Variants in CLUL1 observed in about 807,000 individuals in gnomAD.
CLUL1 encodes clusterin like 1, also known as clusterin-like protein 1.
Under a neutral mutation model 49.4 loss-of-function variants are expected in CLUL1, and 43 were observed. The ratio of observed to expected loss-of-function variants is 0.87; its 90% CI spans 0.68 to 1.12. CLUL1 has a LOEUF of 1.12. CLUL1 is among the 50% of genes most tolerant of loss of function. The probability of loss-of-function intolerance (pLI) is 0.00; values close to 1 mark genes in which losing one functional copy is unlikely to be tolerated. For synonymous variants in CLUL1, 192 were observed against 184.9 expected, an observed-to-expected ratio of 1.04 and a Z score of -0.31; for missense variants, 486 against 544.4, an observed-to-expected ratio of 0.89 and a Z score of 1.07.
chr18:611,234 CTT>C (rs57499796), intron 2 of CLUL1, among the ~76,000 whole-genome samples: 37,118 of 129,352 alleles, frequency 0.29, 5,262 homozygotes, highest in Non-Finnish European at 0.3. Flanking sequence ...CACCCCCCAC[CTT>C]TTTTTTTTTT....
intron 7 of CLUL1, among the ~76,000 whole-genome samples, chr18:639,973 C>T (rs1053945697): frequency 2.0e-5 from 3 of 152,062 alleles, no homozygotes; most frequent in Middle Eastern, 3.4e-3. Flanking sequence ...AGTTAATATT[C>T]GAAAGGGCAA....
intron 5 of CLUL1, among the ~76,000 whole-genome samples, chr18:626,858 CTCAAATAA>C (rs202159483): frequency 0.011 from 1,199 of 113,386 alleles, 12 homozygotes; most frequent in Middle Eastern, 0.031. Flanking sequence ...AAGACTCCAT[CTCAAATAA>C]GAAAGAAAGA....
intron 2 of CLUL1, among the ~76,000 whole-genome samples, chr18:613,565 CT>C (rs1359038859): frequency 1.3e-5 from 2 of 151,860 alleles, no homozygotes; most frequent in Non-Finnish European, 2.9e-5. Flanking sequence ...AGCAATCCTC[CT>C]GTCTCAGCCT....
chr18:636,468 A>G (rs1395694656), intron 7 of CLUL1, among the ~76,000 whole-genome samples: 1 of 152,152 alleles, frequency 6.6e-6, no homozygotes, highest in Non-Finnish European at 1.5e-5. Context: ...GAGGTTCTAA[A>G]CATCTATATG....
intron 7 of CLUL1, among the ~76,000 whole-genome samples, chr18:633,819 G>A (rs141245779): frequency 2.8e-3 from 43 of 15,614 alleles, no homozygotes; most frequent in East Asian, 5.4e-3. Flanking sequence ...AGGGCGGAGC[G>A]TGTAATCGGA....
chr18:609,946 G>T (rs958492256), intron 2 of CLUL1, among the ~76,000 whole-genome samples: 3 of 151,990 alleles, frequency 2.0e-5, no homozygotes, highest in African/African-American at 7.2e-5. Context: ...AAACAAGTGA[G>T]ATATTCCAAT....
At chr18:628,890 C>T (rs1393696910) in intron 6 of CLUL1, among the ~76,000 whole-genome samples, 2 of 152,112 alleles carry the variant, frequency 1.3e-5, no homozygotes, top group Non-Finnish European at 2.9e-5. Flanking sequence ...ACCTTGGCTT[C>T]CCAAAGTGCT....
chr18:613,106 G>A, intron 2 of CLUL1: 1 of 384,146 alleles, frequency 2.6e-6, no homozygotes, highest in South Asian at 8.2e-5. Flanking sequence ...GCCTACTTTT[G>A]CTACTTATGT....
intron 8 of CLUL1, 118 bp downstream of exon 8, chr18:641,659 T>G (rs2074348773): frequency 3.5e-6 from 3 of 845,128 alleles, no homozygotes; most frequent in Non-Finnish European, 5.6e-6. Flanking sequence ...GTATTCATAT[T>G]TCCATTGTGA....
intron 7 of CLUL1, among the ~76,000 whole-genome samples, chr18:635,873 A>G (rs551353519): frequency 6.6e-6 from 1 of 152,218 alleles, no homozygotes; most frequent in South Asian, 2.1e-4. Context: ...AGTAGCTGGG[A>G]TTACAGGCAC....
chr18:634,511 T>G (rs2074087197), intron 7 of CLUL1, among the ~76,000 whole-genome samples: 1 of 152,176 alleles, frequency 6.6e-6, no homozygotes. Context: ...GTGATTTTTT[T>G]TATGATTAAT....
intron 7 of CLUL1, among the ~76,000 whole-genome samples, chr18:638,682 A>G (rs1402778177): frequency 6.6e-6 from 1 of 151,898 alleles, no homozygotes; most frequent in Non-Finnish European, 1.5e-5. Context: ...ACATGGTGAA[A>G]CCCCGTCTCT....
intron 5 of CLUL1, among the ~76,000 whole-genome samples, chr18:626,775 C>T (rs550758037): frequency 9.9e-4 from 147 of 148,992 alleles, no homozygotes; most frequent in Admixed American, 2.1e-3. Context: ...ACAGAAGAAT[C>T]ACTTGAACCC....
intron 9 of CLUL1, among the ~76,000 whole-genome samples, chr18:646,517 C>CACAT (rs1163599717): frequency 6.6e-6 from 1 of 151,464 alleles, no homozygotes; most frequent in African/African-American, 2.4e-5. Context: ...CACACACACA[C>CACAT]ACACACACAC....
chr18:640,590 C>CAT (rs1406624431), intron 7 of CLUL1, among the ~76,000 whole-genome samples: 2 of 152,120 alleles, frequency 1.3e-5, no homozygotes, highest in Non-Finnish European at 2.9e-5. Flanking sequence ...CATGTGAATG[C>CAT]ATGCTGCTCT....
chr18:626,657 G>A (rs1672565), intron 5 of CLUL1, among the ~76,000 whole-genome samples: 17,287 of 150,422 alleles, frequency 0.11, 1,270 homozygotes, highest in East Asian at 0.29. Flanking sequence ...TCAGGAGTTC[G>A]AGACCAGCCT....
intron 2 of CLUL1, among the ~76,000 whole-genome samples, chr18:613,635 A>G (rs2073209299): frequency 6.6e-6 from 1 of 150,740 alleles, no homozygotes; most frequent in Non-Finnish European, 1.5e-5. Flanking sequence ...TTGTATTTTT[A>G]GTAGAGATGG....
chr18:610,736 G>A lies in CLUL1; in HGVS notation c.-14+3637G>A, dbSNP rs115106655. On this transcript the variant is annotated intron_variant, in intron 2 of 9. Transcript: ENST00000692774. ...ACGTAGTAGACACTCAGCAAATACC[G>A]TAACAGAGATGAATCCAAGGCTGGG... Among the ~76,000 whole-genome samples the A allele has an allele frequency of 5.8e-3, 889 of 152,214 alleles. 5 individuals carry two copies. Among genetic ancestry groups the A allele is most frequent in the African/African-American group, 0.021 (856 of 41,530 alleles).
At chr18:621,930 C>A (rs2073498810) in intron 4 of CLUL1, among the ~76,000 whole-genome samples, 1 of 152,160 alleles carries the variant, frequency 6.6e-6, no homozygotes, top group Admixed American at 6.5e-5. Context: ...CCTGAAGAAT[C>A]CAAGCAACTA....
Sources: allele counts gnomAD v4.1 joint callset (sites outside exome capture counted in the v4.1 genomes callset), GRCh38; gene constraint gnomAD v4.1.1; transcripts MANE v1.5; gene names NCBI Gene and HGNC (gene_info 2026-07-23, HGNC 2026-07-21).